Variants in FCSK observed in about 807,000 individuals in gnomAD.
FCSK encodes the protein L-fucose kinase.
In FCSK, 123 loss-of-function variants were observed where a neutral mutation model predicts 122.5. That is an observed-to-expected ratio of 1.00 (90% CI 0.87 to 1.17). The LOEUF (loss-of-function observed/expected upper bound fraction) is 1.17. FCSK is among the 50% of genes most tolerant of loss of function. FCSK has a pLI of 0.00. For missense variants in FCSK, 1,366 were observed against 1,450.4 expected (o/e 0.94, Z 0.95); for synonymous variants, 620 against 625.5 (o/e 0.99, Z 0.13).
At chr16:70,460,690 A>C (rs1213450866) in intron 1 of FCSK, among the ~76,000 whole-genome samples, 3 of 152,214 alleles carry the variant, frequency 2.0e-5, no homozygotes, top group African/African-American at 7.2e-5. Context: ...GATGTGAGCC[A>C]CTGCGCCCAG....
chr16:70,472,508 C>T, intron 13 of FCSK, 33 bp from the exon 14 acceptor site: 1 of 1,589,068 alleles, frequency 6.3e-7, no homozygotes, highest in Non-Finnish European at 8.6e-7. Context: ...CCTGTGGCCC[C>T]TGCAGCCCTG....
At position 70,473,928 on chromosome 16, in the gene FCSK, C is replaced by G. The variant is rs1319215717; in HGVS notation, c.1778-201C>G. Among the ~76,000 whole-genome samples, 2 of 152,102 alleles carry G rather than the reference C, an allele frequency of 1.3e-5. No homozygotes were observed. Among genetic ancestry groups the G allele is most frequent in the African/African-American group, 2.4e-5 (1 of 41,396 alleles). On this transcript the variant is annotated intron_variant, in intron 15 of 23. Transcript: ENST00000288078. The surrounding 1 kb of genome is among the most constrained non-coding windows in gnomAD (Gnocchi z 4.9). The stretch of plus-strand genomic sequence containing the variant: ...GTCCTGGGTGGGGGTGAAGAGACAC[C>G]TATGGGCTGGGACTGGCAAGACGAG...
rs1259399025 is a variant in FCSK at position 70,471,297 on chromosome 16, T to C, written c.1286T>C (p.Leu429Pro). 6.2e-7 allele frequency: 1 copy of C among 1,605,104 alleles called. No individual in the cohort carries two copies. Among genetic ancestry groups the C allele is most frequent in the African/African-American group, 1.3e-5 (1 of 74,960 alleles). Residue 429 changes from leucine to proline, a missense_variant, in exon 13 of 24, where the codon CTA (leucine) becomes CCA (proline). Transcript: ENST00000288078. ...DLVLQGHHTR[L>P]HGSPGHAFTL... ...GTCCTGCAGGGACACCACACGCGGC[T>C]ACACGGCTCCCCGGGCCACGCCTTC...
Position 70,466,283 on chromosome 16 carries a change from G to A in FCSK, c.411+26G>A, listed in dbSNP as rs752206350. ...GTGAGGCTGGGTGGTGGCCCGTGGT[G>A]CCTCGTCCCAGATAGAGCCACTTCC... On this transcript the variant is annotated intron_variant, in intron 5 of 23. Transcript: ENST00000288078. 3.6e-5 allele frequency: 58 copies of A among 1,613,034 alleles called. No individual in the cohort carries two copies. In the Admixed American group the frequency reaches 9.3e-4, roughly 26 times the overall value.
intron 6 of FCSK, 47 bp downstream of exon 6, chr16:70,467,001 G>C: frequency 6.4e-7 from 1 of 1,569,626 alleles, no homozygotes; most frequent in Non-Finnish European, 8.7e-7. Context: ...CACAGCCACA[G>C]CAAGAAGCCA....
Position 70,478,398 on chromosome 16 carries a change from T to A in FCSK, c.2768T>A (p.Leu923His). The change falls in exon 21 of 24, where the codon CTC becomes CAC. Residue 923 changes from leucine to histidine, a missense_variant. Physicochemically the swap from Leu to His is moderately conservative, Grantham distance 99. Transcript: ENST00000288078. The stretch of plus-strand genomic sequence containing the variant: ...GTGCCTGAGGGCTTTGTCCAGAAGC[T>A]CAATGACCACCTGCTCTTGGTGTAC... ...VTVPEGFVQKLNDHLLLVYTG... is the reference protein window; with the variant it reads ...VTVPEGFVQKHNDHLLLVYTG... The A allele has an allele frequency of 6.2e-7, 1 of 1,614,148 alleles. No homozygotes were observed. The highest frequency in any genetic ancestry group is 1.1e-5 in the South Asian group (1 of 91,086).
intron 1 of FCSK, chr16:70,457,957 A>G (rs2048141387): frequency 6.6e-6 from 1 of 151,584 alleles, no homozygotes; most frequent in African/African-American, 2.4e-5. Context: ...TCACCTGAAT[A>G]AGGATCCAAA....
In FCSK at chr16:70,474,921, G is replaced by C; in HGVS notation, c.2287G>C (p.Ala763Pro). 6.2e-7 allele frequency: 1 copy of C among 1,611,354 alleles called. No individual in the cohort carries two copies. Among genetic ancestry groups the C allele is most frequent in the Non-Finnish European group, 8.5e-7 (1 of 1,179,234 alleles). The change falls in exon 18 of 24, where the codon GCG becomes CCG. Residue 763 changes from alanine (A) to proline (P), a missense_variant. Physicochemically the swap from Ala to Pro is conservative, Grantham distance 27. Coordinates refer to ENST00000288078, the MANE Select transcript of FCSK (RefSeq NM_145059.3). ...RRIPEPELWL[A>P]VGPRQDEMTV... ...CATCCCGGAGCCTGAGCTGTGGCTGGCGGTGGGGCCTCGGCAGGATGAGAT... is the reference window on the plus strand; with the variant it reads ...CATCCCGGAGCCTGAGCTGTGGCTGCCGGTGGGGCCTCGGCAGGATGAGAT...
chr16:70,455,499 ACAAAC>A (rs1250880518), intron 1 of FCSK, among the ~76,000 whole-genome samples: 1 of 126,490 alleles, frequency 7.9e-6, no homozygotes, highest in Non-Finnish European at 1.8e-5. Context: ...ACAAAACAAA[ACAAAC>A]CAACAACAAC....
intron 1 of FCSK, among the ~76,000 whole-genome samples, chr16:70,460,943 A>T (rs1391418145): frequency 6.6e-6 from 1 of 152,164 alleles, no homozygotes; most frequent in Non-Finnish European, 1.5e-5. Flanking sequence ...ATTGGTGGCA[A>T]AGTTGGAGGG....
chr16:70,474,417 G>T, intron 16 of FCSK, 78 bp downstream of exon 16: 1 of 1,558,588 alleles, frequency 6.4e-7, no homozygotes, highest in South Asian at 1.2e-5. Flanking sequence ...AGGAAACCCA[G>T]AGAGAGGTGG....
At chr16:70,476,914 G>A (rs2048835836) in intron 20 of FCSK, among the ~76,000 whole-genome samples, 1 of 152,186 alleles carries the variant, frequency 6.6e-6, no homozygotes, top group Non-Finnish European at 1.5e-5. Flanking sequence ...TGGGGTCCCT[G>A]CCCTCAAAAG....
At chr16:70,468,747 G>A (rs1366759803) in intron 8 of FCSK, 102 bp from the exon 9 acceptor site, 21 of 1,439,644 alleles carry the variant, frequency 1.5e-5, no homozygotes, top group Admixed American at 1.1e-4. Context: ...TGCCTGGTAT[G>A]GCACTCAGCT....
intron 8 of FCSK, 96 bp from the exon 9 acceptor site, chr16:70,468,753 C>T: frequency 6.7e-7 from 1 of 1,487,940 alleles, no homozygotes; most frequent in South Asian, 1.2e-5. Context: ...GTATGGCACT[C>T]AGCTTCATGT....
chr16:70,473,223 G>C lies in FCSK; in HGVS notation c.1647G>C (p.Leu549=), dbSNP rs760673205. The C allele has an allele frequency of 1.2e-5, 18 of 1,535,714 alleles. No individual in the cohort carries two copies. The highest frequency in any genetic ancestry group is 1.6e-5 in the Non-Finnish European group (18 of 1,145,922). Residue 549 remains leucine (L), a synonymous_variant, in exon 15 of 24, where the codon CTG becomes CTC. Coordinates refer to ENST00000288078, the MANE Select transcript of FCSK (RefSeq NM_145059.3). This position sits in a 1 kb window ranked among gnomAD's most constrained non-coding sequence, Gnocchi z 4.9. ...RAATLASRRD[L]FFRQALHKAR... is the part of the protein sequence containing the mutation. ...CCACGCTGGCCTCTCGCCGGGACCT[G>C]TTCTTCCGCCAGGCCCTGCATAAGG... is the stretch of plus-strand genomic sequence containing the variant.
chr16:70,460,846 C>G (rs943039725), intron 1 of FCSK, among the ~76,000 whole-genome samples: 1 of 152,200 alleles, frequency 6.6e-6, no homozygotes, highest in Non-Finnish European at 1.5e-5. Context: ...GTGGGAGATT[C>G]AGATCGTAGC....
chr16:70,478,482 G>C, intron 21 of FCSK, 23 bp downstream of exon 21: 1 of 1,613,626 alleles, frequency 6.2e-7, no homozygotes, highest in Non-Finnish European at 8.5e-7. Flanking sequence ...CCCAGCATGA[G>C]GGAGGCAGGC....
In FCSK at chr16:70,465,118, T is replaced by C; in HGVS notation, c.235-8T>C. 6 of 1,613,686 alleles carry C rather than the reference T, an allele frequency of 3.7e-6. No homozygotes were observed. The highest frequency in any genetic ancestry group is 5.1e-6 in the Non-Finnish European group (6 of 1,179,880). On this transcript the variant is annotated splice_polypyrimidine_tract_variant and splice_region_variant and intron_variant, in intron 3 of 23. Coordinates refer to ENST00000288078, the MANE Select transcript of FCSK (RefSeq NM_145059.3). ...GCCTCTGTTCACAGGGCTTTCCCAC[T>C]CCTGCAGGTGGTCACATCCGATGTC...
intron 4 of FCSK, 53 bp from the exon 5 acceptor site, chr16:70,466,079 G>A (rs1191689473): frequency 2.5e-6 from 4 of 1,583,360 alleles, no homozygotes; most frequent in African/African-American, 2.7e-5. Flanking sequence ...AGCTGATGAG[G>A]TGGCCTTGGG....
Sources: gnomAD v4.1 joint callset for allele counts (sites outside exome capture counted in the v4.1 genomes callset) on GRCh38, gnomAD v4.1.1 for gene constraint, Gnocchi (gnomAD v3.1) non-coding constraint, MANE v1.5 for transcripts, NCBI Gene and HGNC (gene_info 2026-07-23, HGNC 2026-07-21) for gene names.